COLQ: variants seen among roughly 807,000 people sequenced by gnomAD.
COLQ encodes the protein acetylcholinesterase collagenic tail peptide.
In COLQ, 48 loss-of-function variants were observed where a neutral mutation model predicts 69.0. The observed-to-expected ratio is 0.70, with a 90% CI of 0.55 to 0.88. The LOEUF is 0.88. Among genes scored for constraint, COLQ ranks in the 40% least tolerant of loss-of-function variants. COLQ has a pLI of 0.00. For missense variants in COLQ, 618 were observed against 594.6 expected, an observed-to-expected ratio of 1.04 and a Z score of -0.41; for synonymous variants, 217 against 211.2, an observed-to-expected ratio of 1.03 and a Z score of -0.24.
intron 1 of COLQ, among the ~76,000 whole-genome samples, chr3:15,490,380 C>T (rs1188631253): frequency 1.3e-5 from 2 of 150,992 alleles, no homozygotes; most frequent in Non-Finnish European, 2.9e-5. Flanking sequence ...GAAACCAGCA[C>T]CCAGGTCAAG....
At chr3:15,478,896 GT>G in intron 5 of COLQ, 80 bp downstream of exon 5, 1 of 1,554,614 alleles carries the variant, frequency 6.4e-7, no homozygotes, top group Non-Finnish European at 8.9e-7. Flanking sequence ...GTGCATTGCT[GT>G]TCCCCCCTCC....
chr3:15,479,253 C>G, intron 4 of COLQ, 85 bp downstream of exon 4: 1 of 1,455,594 alleles, frequency 6.9e-7, no homozygotes, highest in Non-Finnish European at 9.7e-7. Flanking sequence ...TTGGAAATCT[C>G]AACTAGGAAA....
intron 1 of COLQ, among the ~76,000 whole-genome samples, chr3:15,516,660 AC>A (rs1403015345): frequency 2.6e-5 from 4 of 152,046 alleles, no homozygotes; most frequent in African/African-American, 9.7e-5. Context: ...ACCCCCAAAC[AC>A]CCTGGTTGAC....
At chr3:15,480,891 T>C (rs1363756467) in intron 3 of COLQ, among the ~76,000 whole-genome samples, 1 of 152,182 alleles carries the variant, frequency 6.6e-6, no homozygotes, top group Non-Finnish European at 1.5e-5. Flanking sequence ...GTGTGAGATA[T>C]CTCATTGTGG....
chr3:15,509,085 G>A (rs2062949257), intron 1 of COLQ, among the ~76,000 whole-genome samples: 1 of 152,176 alleles, frequency 6.6e-6, no homozygotes, highest in Non-Finnish European at 1.5e-5. Context: ...AATAAACATT[G>A]AGCAAAATGC....
intron 1 of COLQ, among the ~76,000 whole-genome samples, chr3:15,493,228 G>T (rs892473256): frequency 1.3e-5 from 2 of 152,202 alleles, no homozygotes; most frequent in African/African-American, 4.8e-5. Context: ...TGGAAGGAGG[G>T]GAGGCTCCCC....
At chr3:15,470,490 C>G in intron 11 of COLQ, 46 bp downstream of exon 11, 1 of 1,571,610 alleles carries the variant, frequency 6.4e-7, no homozygotes, top group Non-Finnish European at 8.8e-7. Flanking sequence ...ACTGCCAGGT[C>G]AGGAAGTTCT....
chr3:15,521,159 T>C (rs766782615), intron 1 of COLQ, among the ~76,000 whole-genome samples: 1 of 152,208 alleles, frequency 6.6e-6, no homozygotes, highest in Admixed American at 6.5e-5. Flanking sequence ...AGAGATGTAT[T>C]TATAGAAACA....
intron 3 of COLQ, 78 bp from the exon 4 acceptor site, chr3:15,479,460 G>C: frequency 1.5e-6 from 2 of 1,360,186 alleles, no homozygotes; most frequent in Non-Finnish European, 2.1e-6. Flanking sequence ...TGGTGCACTG[G>C]GCTCCTACAG....
chr3:15,501,087 C>T (rs184238840), intron 1 of COLQ, among the ~76,000 whole-genome samples: 36 of 152,326 alleles, frequency 2.4e-4, no homozygotes, highest in Non-Finnish European at 3.1e-4. Flanking sequence ...CCCTCAAGTT[C>T]CCTCAGGTGC....
intron 3 of COLQ, among the ~76,000 whole-genome samples, chr3:15,482,255 G>A (rs1424577069): frequency 1.3e-5 from 2 of 151,968 alleles, no homozygotes; most frequent in African/African-American, 4.8e-5. Context: ...ACTGTGATAG[G>A]AGTGGTGAGA....
intron 1 of COLQ, among the ~76,000 whole-genome samples, chr3:15,514,973 T>C (rs888549962): frequency 2.6e-5 from 4 of 152,236 alleles, no homozygotes; most frequent in South Asian, 2.1e-4. Flanking sequence ...AATTTTTAAA[T>C]GTTAGCCACT....
At chr3:15,509,164 G>A (rs1273179479) in intron 1 of COLQ, among the ~76,000 whole-genome samples, 1 of 152,146 alleles carries the variant, frequency 6.6e-6, no homozygotes, top group Non-Finnish European at 1.5e-5. Context: ...CTATTTGCTG[G>A]CATTCCACTT....
chr3:15,462,444 C>A (rs1273365563), intron 12 of COLQ, among the ~76,000 whole-genome samples: 2 of 152,184 alleles, frequency 1.3e-5, no homozygotes, highest in Non-Finnish European at 2.9e-5. Flanking sequence ...CCCGCTCACT[C>A]AGGAAGCCTC....
intron 8 of COLQ, among the ~76,000 whole-genome samples, 175 bp downstream of exon 8, chr3:15,474,750 T>C (rs774317159): frequency 6.6e-6 from 1 of 152,186 alleles, no homozygotes; most frequent in Admixed American, 6.5e-5. Context: ...CTTGCCCTGC[T>C]TCAGGAGGTC....
At chr3:15,454,058 A>C in intron 15 of COLQ, 127 bp from the exon 16 acceptor site, 1 of 702,114 alleles carries the variant, frequency 1.4e-6, no homozygotes, top group East Asian at 2.7e-5. Context: ...ACTGACCTCC[A>C]TTAAGCTTCA....
chr3:15,508,467 C>T (rs1305701665), intron 1 of COLQ, among the ~76,000 whole-genome samples: 2 of 152,158 alleles, frequency 1.3e-5, no homozygotes, highest in African/African-American at 2.4e-5. Context: ...CACACAAACT[C>T]CAACCATTTG....
At chr3:15,490,879 T>A (rs934731035) in intron 1 of COLQ, among the ~76,000 whole-genome samples, 3 of 152,210 alleles carry the variant, frequency 2.0e-5, no homozygotes, top group Non-Finnish European at 4.4e-5. Flanking sequence ...CACTCCTAGG[T>A]TTTTACCAAT....
intron 12 of COLQ, among the ~76,000 whole-genome samples, chr3:15,462,766 T>A (rs189911255): frequency 1.3e-5 from 2 of 152,256 alleles, no homozygotes; most frequent in African/African-American, 4.8e-5. Flanking sequence ...TCCATCCTGT[T>A]AGGGGCCAAG....
Sources: gnomAD v4.1 joint callset for allele counts (sites outside exome capture counted in the v4.1 genomes callset) on GRCh38, gnomAD v4.1.1 for gene constraint, MANE v1.5 for transcripts, NCBI Gene and HGNC (gene_info 2026-07-23, HGNC 2026-07-21) for gene names.